The following SLC22A24 variants were observed in gnomAD, a reference collection of about 807,000 sequenced individuals.
SLC22A24 encodes the protein solute carrier family 22 member 24, also known as steroid transmembrane transporter SLC22A24.
A neutral mutation model predicts 49.8 loss-of-function variants in SLC22A24; 53 were observed. The ratio of observed to expected loss-of-function variants is 1.06; its 90% confidence interval spans 0.85 to 1.34. SLC22A24 has a LOEUF of 1.34. Among genes scored for constraint, SLC22A24 ranks in the 40% most tolerant of loss-of-function variants. SLC22A24 has a pLI of 0.00. For missense variants in SLC22A24, 786 were observed against 675.9 expected (o/e 1.16, Z -1.81); for synonymous variants, 302 against 256.4 (o/e 1.18, Z -1.70).
At chr11:63,090,409 T>C (rs189853857) in intron 6 of SLC22A24, among the ~76,000 whole-genome samples, 1 of 152,156 alleles carries the variant, frequency 6.6e-6, no homozygotes, top group African/African-American at 2.4e-5. Context: ...AGAATATACA[T>C]TCTTAGTGCC....
At chr11:63,127,259 T>C (rs2134674436) in intron 2 of SLC22A24, among the ~76,000 whole-genome samples, 1 of 152,254 alleles carries the variant, frequency 6.6e-6, no homozygotes, top group African/African-American at 2.4e-5. Flanking sequence ...ATAGTTTGTT[T>C]AGAATGATGG....
At chr11:63,134,554 G>A (rs1349671671) in intron 2 of SLC22A24, 111 bp downstream of exon 2, 4 of 653,712 alleles carry the variant, frequency 6.1e-6, no homozygotes, top group Non-Finnish European at 1.1e-5. Flanking sequence ...AGAGAGATCA[G>A]CACATAGCAC....
At chr11:63,130,399 C>T (rs2087325198) in intron 2 of SLC22A24, among the ~76,000 whole-genome samples, 1 of 152,086 alleles carries the variant, frequency 6.6e-6, no homozygotes, top group African/African-American at 2.4e-5. Context: ...TGAGGATTTT[C>T]ACATCAATGT....
At chr11:63,140,297 G>A (rs562591291) in intron 1 of SLC22A24, among the ~76,000 whole-genome samples, 1 of 151,948 alleles carries the variant, frequency 6.6e-6, no homozygotes, top group African/African-American at 2.4e-5. Context: ...GGCCAGGATG[G>A]TCTCAATCTC....
At chr11:63,107,070 C>G (rs914352814) in intron 4 of SLC22A24, among the ~76,000 whole-genome samples, 70 of 152,210 alleles carry the variant, frequency 4.6e-4, no homozygotes, top group African/African-American at 1.6e-3. Context: ...TTAGATCTAA[C>G]ATTTAAGTCT....
At chr11:63,140,132 A>G (rs1176742970) in intron 1 of SLC22A24, among the ~76,000 whole-genome samples, 2 of 132,346 alleles carry the variant, frequency 1.5e-5, no homozygotes, top group Non-Finnish European at 3.1e-5. Flanking sequence ...ACCAGGCTGG[A>G]GTGCAGTGGC....
intron 9 of SLC22A24, among the ~76,000 whole-genome samples, chr11:63,080,398 A>C (rs910388046): frequency 1.3e-5 from 2 of 152,158 alleles, no homozygotes; most frequent in Admixed American, 6.5e-5. Context: ...AGGCATCCCA[A>C]CAAGATCCAT....
At chr11:63,115,993 G>A (rs2087210343) in intron 4 of SLC22A24, 3 of 326,918 alleles carry the variant, frequency 9.2e-6, no homozygotes, top group Non-Finnish European at 1.2e-5. Flanking sequence ...CACTGCCCGA[G>A]CCCCTTGACA....
At chr11:63,130,836 C>T (rs147723636) in intron 2 of SLC22A24, among the ~76,000 whole-genome samples, 32 of 151,678 alleles carry the variant, frequency 2.1e-4, no homozygotes, top group African/African-American at 7.2e-4. Context: ...CCTTGTTAAC[C>T]TTCTGTCTCA....
At chr11:63,131,827 C>A (rs890939781) in intron 2 of SLC22A24, among the ~76,000 whole-genome samples, 1 of 152,124 alleles carries the variant, frequency 6.6e-6, no homozygotes, top group Non-Finnish European at 1.5e-5. Flanking sequence ...TGTTGGCCTG[C>A]CTATCTAGGT....
chr11:63,143,285 C>A (rs1431175726), intron 1 of SLC22A24, 93 bp downstream of exon 1: 9 of 1,133,206 alleles, frequency 7.9e-6, no homozygotes, highest in African/African-American at 3.2e-5. Flanking sequence ...CAGGTCCCAT[C>A]TAAGGACTAA....
intron 9 of SLC22A24, among the ~76,000 whole-genome samples, chr11:63,080,282 A>G (rs1171878935): frequency 6.6e-6 from 1 of 152,164 alleles, no homozygotes; most frequent in Non-Finnish European, 1.5e-5. Context: ...TGAAAATTTT[A>G]AAGCTATTGT....
intron 1 of SLC22A24, among the ~76,000 whole-genome samples, chr11:63,137,246 A>T (rs1422024436): frequency 3.9e-5 from 6 of 152,068 alleles, no homozygotes; most frequent in African/African-American, 1.4e-4. Context: ...TCAGATGGAG[A>T]ATAGAAGGAT....
intron 8 of SLC22A24, 94 bp from the exon 9 acceptor site, chr11:63,081,217 A>G: frequency 9.4e-7 from 1 of 1,067,126 alleles, no homozygotes. Context: ...CCAGTACAAC[A>G]GAGTTACTAA....
At chr11:63,130,755 T>C (rs936774496) in intron 2 of SLC22A24, among the ~76,000 whole-genome samples, 5 of 152,212 alleles carry the variant, frequency 3.3e-5, no homozygotes, top group Admixed American at 3.3e-4. Flanking sequence ...TTCTAGTTTA[T>C]TTGTATAGAG....
At chr11:63,132,496 G>A (rs2087343850) in intron 2 of SLC22A24, among the ~76,000 whole-genome samples, 1 of 151,962 alleles carries the variant, frequency 6.6e-6, no homozygotes, top group Non-Finnish European at 1.5e-5. Flanking sequence ...TGATGGTGAT[G>A]CTATTCCTTT....
chr11:63,098,389 G>A (rs1484890941), intron 5 of SLC22A24, among the ~76,000 whole-genome samples: 1 of 152,096 alleles, frequency 6.6e-6, no homozygotes, highest in Non-Finnish European at 1.5e-5. Flanking sequence ...TCAAATATTG[G>A]CAGGCACAGT....
At chr11:63,099,105 A>T (rs2087074005) in intron 5 of SLC22A24, among the ~76,000 whole-genome samples, 1 of 152,182 alleles carries the variant, frequency 6.6e-6, no homozygotes, top group Non-Finnish European at 1.5e-5. Context: ...AAGTAATGAC[A>T]TTGAAGCCAC....
At chr11:63,080,035 A>G (rs1228000018) in intron 9 of SLC22A24, 35 bp from the exon 10 acceptor site, 1 of 1,367,796 alleles carries the variant, frequency 7.3e-7, no homozygotes, top group East Asian at 2.5e-5. Flanking sequence ...AACAAGATTA[A>G]GAAACAAAAA....
Sources: allele counts gnomAD v4.1 joint callset (sites outside exome capture counted in the v4.1 genomes callset), GRCh38; gene constraint gnomAD v4.1.1; transcripts MANE v1.5; gene names NCBI Gene and HGNC (gene_info 2026-07-23, HGNC 2026-07-21).